DNAI1: variants seen among roughly 807,000 people sequenced by gnomAD.
DNAI1 encodes the protein dynein, axonemal, intermediate polypeptide 1.
DNAI1 carries 67 observed loss-of-function variants against 92.0 expected under a neutral mutation model. The ratio of observed to expected loss-of-function variants is 0.73; its 90% CI spans 0.60 to 0.89. The LOEUF is 0.89. DNAI1 is among the 40% of genes least tolerant of loss of function. The pLI, the probability that DNAI1 is intolerant of heterozygous loss-of-function variation, is 0.00. For missense variants in DNAI1, 839 were observed against 866.6 expected (o/e 0.97, Z 0.40); for synonymous variants, 323 against 319.6 (o/e 1.01, Z -0.11).
At position 34,458,828 on chromosome 9, in the gene DNAI1, G is replaced by C. The variant is rs3802429; in HGVS notation, c.-178G>C. On this transcript the variant is annotated 5_prime_UTR_variant, in exon 1 of 20. Coordinates refer to ENST00000242317, the MANE Select transcript of DNAI1 (RefSeq NM_012144.4). The surrounding 1 kb of genome is among the most constrained non-coding windows in gnomAD (Gnocchi z 6.6). The stretch of plus-strand genomic sequence containing the variant: ...TCGGTTGCTGGGTAACCGCGTCAGG[G>C]AGTTGGATTCTATCCTGCAAGGGCA... 12,733 of 678,742 alleles carry C rather than the reference G, an allele frequency of 0.019. 515 individuals carry two copies. The highest frequency in any genetic ancestry group is 0.11 in the East Asian group (4,094 of 36,646). The allele number at this position is 678,742 out of a possible 1,614,324, so 42.0% of individuals were successfully genotyped here. A position where few individuals can be genotyped will look rare whatever the true frequency, so the allele number is the denominator to read the frequency against.
intron 1 of DNAI1, among the ~76,000 whole-genome samples, chr9:34,480,004 T>A (rs1025507164): frequency 6.6e-6 from 1 of 152,174 alleles, no homozygotes; most frequent in Non-Finnish European, 1.5e-5. Context: ...CCCCTCTCTT[T>A]GCATTTGGGA....
intron 1 of DNAI1, among the ~76,000 whole-genome samples, chr9:34,472,007 A>C (rs1452896933): frequency 6.6e-6 from 1 of 152,056 alleles, no homozygotes; most frequent in Non-Finnish European, 1.5e-5. Context: ...CCTGAGATGC[A>C]CAGGCTCCTT....
intron 1 of DNAI1, among the ~76,000 whole-genome samples, chr9:34,459,450 C>CT (rs373407715): frequency 0.021 from 2,835 of 138,164 alleles, 43 homozygotes; most frequent in Non-Finnish European, 0.03. Flanking sequence ...TTCTTTCTTT[C>CT]TTTTTTTTTT....
intron 13 of DNAI1, 21 bp downstream of exon 13, chr9:34,506,895 G>C: frequency 6.2e-7 from 1 of 1,610,452 alleles, no homozygotes; most frequent in East Asian, 2.2e-5. Context: ...AGGCTGGGAG[G>C]GGTGGGGATG....
At chr9:34,472,617 T>A (rs1489571133) in intron 1 of DNAI1, among the ~76,000 whole-genome samples, 2 of 152,190 alleles carry the variant, frequency 1.3e-5, no homozygotes, top group African/African-American at 4.8e-5. Flanking sequence ...ATTTAATACA[T>A]TAGGCTGGGT....
At chr9:34,501,494 G>C (rs974481601) in intron 12 of DNAI1, among the ~76,000 whole-genome samples, 1 of 152,204 alleles carries the variant, frequency 6.6e-6, no homozygotes, top group African/African-American at 2.4e-5. Context: ...TGAAGCTGCT[G>C]GGGGGGCCAG....
At chr9:34,512,813 T>A (rs1488338071) in intron 15 of DNAI1, among the ~76,000 whole-genome samples, 1 of 152,224 alleles carries the variant, frequency 6.6e-6, no homozygotes, top group African/African-American at 2.4e-5. Flanking sequence ...CCTGTCCCTG[T>A]TTACCCTGAC....
intron 9 of DNAI1, among the ~76,000 whole-genome samples, chr9:34,494,136 T>G (rs1824669081): frequency 6.6e-6 from 1 of 151,900 alleles, no homozygotes; most frequent in Non-Finnish European, 1.5e-5. Context: ...TGGGGGCTGG[T>G]TTTCAGCACC....
intron 4 of DNAI1, chr9:34,489,026 C>T (rs1014504607): frequency 8.0e-6 from 3 of 375,460 alleles, no homozygotes; most frequent in African/African-American, 6.3e-5. Flanking sequence ...AAGTAGGAGA[C>T]AAGACATATA....
At chr9:34,465,700 C>G (rs981495141) in intron 1 of DNAI1, among the ~76,000 whole-genome samples, 7 of 152,222 alleles carry the variant, frequency 4.6e-5, no homozygotes, top group Admixed American at 2.6e-4. Flanking sequence ...GCAGAGGGCT[C>G]CTGTGCTCGT....
intron 1 of DNAI1, among the ~76,000 whole-genome samples, chr9:34,463,323 T>C (rs1823982915): frequency 6.6e-6 from 1 of 152,212 alleles, no homozygotes; most frequent in African/African-American, 2.4e-5. Flanking sequence ...CCCTACCCTA[T>C]AGAGTTAATC....
chr9:34,474,151 T>G (rs1824194919), intron 1 of DNAI1, among the ~76,000 whole-genome samples: 1 of 152,234 alleles, frequency 6.6e-6, no homozygotes, highest in African/African-American at 2.4e-5. Flanking sequence ...AATATTTGTG[T>G]TTTTCCATTT....
chr9:34,469,522 C>T (rs1824100969), intron 1 of DNAI1, among the ~76,000 whole-genome samples: 2 of 151,922 alleles, frequency 1.3e-5, no homozygotes, highest in Admixed American at 1.3e-4. Context: ...CTGCCTCAGC[C>T]TCCCAAAGTG....
intron 1 of DNAI1, among the ~76,000 whole-genome samples, chr9:34,473,536 C>T (rs1009801631): frequency 4.6e-5 from 7 of 152,172 alleles, no homozygotes; most frequent in Non-Finnish European, 7.3e-5. Context: ...AGGTGATCCA[C>T]CCGCCTTGGC....
chr9:34,485,219 C>A lies in DNAI1; in HGVS notation c.159C>A (p.Asp53Glu). Residue 53 changes from aspartate to glutamate, a missense_variant, in exon 3 of 20, where the codon GAC becomes GAA. Physicochemically the swap from Asp to Glu is conservative, Grantham distance 45. Transcript: ENST00000242317. ...AQSKATVRPP[D>E]QLELTDAELK... is the part of the protein sequence containing the mutation. Reference sequence around the variant, plus strand: ...CCAAAGCCACAGTTAGACCCCCTGACCAGCTGGAGTTGACCGATGCGGTGA... The same window carrying A: ...CCAAAGCCACAGTTAGACCCCCTGAACAGCTGGAGTTGACCGATGCGGTGA... 1 of 1,614,196 alleles carries A rather than the reference C, an allele frequency of 6.2e-7. No individual in the cohort carries two copies. The highest frequency in any genetic ancestry group is 1.1e-5 in the South Asian group (1 of 91,080).
intron 1 of DNAI1, among the ~76,000 whole-genome samples, chr9:34,463,383 T>C (rs1823983991): frequency 6.6e-6 from 1 of 152,234 alleles, no homozygotes; most frequent in Non-Finnish European, 1.5e-5. Context: ...CCATAAATCA[T>C]AATTTGTAAT....
At chr9:34,491,382 G>A (rs1824587489) in intron 7 of DNAI1, 113 bp from the exon 8 acceptor site, 2 of 1,082,638 alleles carry the variant, frequency 1.8e-6, no homozygotes. Context: ...CCAGCTCTGT[G>A]TCCCAAACCT....
rs572615807 is a variant in DNAI1 at position 34,481,015 on chromosome 9, C to T, written c.49-2433C>T. Among the ~76,000 whole-genome samples, 39 of 150,936 alleles carry T rather than the reference C, an allele frequency of 2.6e-4. 1 individual carries two copies. The East Asian group carries it at 5.5e-3, about 21-fold the overall frequency. On this transcript the variant is annotated intron_variant, in intron 1 of 19. Transcript: ENST00000242317. ...CAGCACTTTGGGAAGCCAAGGCAGGCGGATCAACTGAGGTCAGGAGTTCAA... is the reference window on the plus strand; with the variant it reads ...CAGCACTTTGGGAAGCCAAGGCAGGTGGATCAACTGAGGTCAGGAGTTCAA...
intron 10 of DNAI1, among the ~76,000 whole-genome samples, chr9:34,499,253 A>T (rs563533728): frequency 6.6e-6 from 1 of 152,318 alleles, no homozygotes; most frequent in South Asian, 2.1e-4. Flanking sequence ...TTTTGTTCTG[A>T]GACATTTTTG....
Sources: allele counts gnomAD v4.1 joint callset (sites outside exome capture counted in the v4.1 genomes callset), GRCh38; gene constraint gnomAD v4.1.1; non-coding constraint Gnocchi (gnomAD v3.1); transcripts MANE v1.5; gene names NCBI Gene and HGNC (gene_info 2026-07-23, HGNC 2026-07-21).